SAMD5: variants seen among roughly 807,000 people sequenced by gnomAD.
The protein encoded by SAMD5 is sterile alpha motif domain-containing protein 5.
A neutral mutation model predicts 11.3 loss-of-function variants in SAMD5; 13 were observed. The observed-to-expected ratio is 1.15, with a 90% confidence interval of 0.75 to 1.83. SAMD5 has a LOEUF of 1.83. Ranked by LOEUF, SAMD5 falls within the 40% of genes most tolerant of loss-of-function variation. SAMD5 has a pLI of 0.00. For synonymous variants in SAMD5, 129 were observed against 111.3 expected (o/e 1.16, Z -1.00); for missense variants, 255 against 239.1 (o/e 1.07, Z -0.44).
chr6:147,865,401 GA>G, the SAMD5 span, among the ~76,000 whole-genome samples: 214 of 151,756 alleles, frequency 1.4e-3, 2 homozygotes, highest in African/African-American at 5.1e-3. Flanking sequence ...AAGAAAAGGG[GA>G]AAAAAAGGAA....
At chr6:147,588,999 C>T (rs894368569) in intron 1 of SAMD5, among the ~76,000 whole-genome samples, 7 of 151,864 alleles carry the variant, frequency 4.6e-5, no homozygotes, top group African/African-American at 7.3e-5. Flanking sequence ...GCTCTGTCGC[C>T]GAGGCTGGCG....
intron 1 of SAMD5, among the ~76,000 whole-genome samples, chr6:147,704,909 G>T (rs1451339997): frequency 6.6e-6 from 1 of 152,184 alleles, no homozygotes; most frequent in East Asian, 1.9e-4. Flanking sequence ...CGTTAAACTC[G>T]AACTTGTCAT....
chr6:147,677,767 G>A (rs1790885874), intron 1 of SAMD5, among the ~76,000 whole-genome samples: 1 of 152,030 alleles, frequency 6.6e-6, no homozygotes. Context: ...GGTGTATGGT[G>A]GTTGCATCGT....
chr6:147,759,454 A>G, the SAMD5 span, among the ~76,000 whole-genome samples: 1 of 152,168 alleles, frequency 6.6e-6, no homozygotes, highest in East Asian at 1.9e-4. Context: ...CTTTTGGCCA[A>G]TAACTCTTGT....
At chr6:147,613,009 G>A (rs549326912) in intron 1 of SAMD5, among the ~76,000 whole-genome samples, 1 of 152,066 alleles carries the variant, frequency 6.6e-6, no homozygotes, top group African/African-American at 2.4e-5. Context: ...GACCAGCCTT[G>A]CTAATATGGT....
At chr6:147,830,536 A>G in the SAMD5 span, among the ~76,000 whole-genome samples, 3 of 151,960 alleles carry the variant, frequency 2.0e-5, no homozygotes, top group Admixed American at 6.6e-5. Context: ...GATTACAGGT[A>G]TGAGCCACCG....
At chr6:147,717,274 A>G (rs1326123277) in intron 1 of SAMD5, among the ~76,000 whole-genome samples, 2 of 152,194 alleles carry the variant, frequency 1.3e-5, no homozygotes, top group Non-Finnish European at 2.9e-5. Context: ...TTTCTTTCCA[A>G]AATGGACAAC....
intron 1 of SAMD5, among the ~76,000 whole-genome samples, chr6:147,733,281 A>G (rs1463053618): frequency 1.3e-5 from 2 of 152,296 alleles, no homozygotes; most frequent in East Asian, 3.9e-4. Context: ...CTTTTTTCCA[A>G]TGTAATGTTT....
At chr6:147,906,368 G>C in the SAMD5 span, among the ~76,000 whole-genome samples, 1 of 152,108 alleles carries the variant, frequency 6.6e-6, no homozygotes, top group Non-Finnish European at 1.5e-5. Flanking sequence ...CATTCTTCAC[G>C]GGTAAAAGTA....
chr6:147,880,238 ATTTC>A, the SAMD5 span, among the ~76,000 whole-genome samples: 1 of 151,868 alleles, frequency 6.6e-6, no homozygotes, highest in Non-Finnish European at 1.5e-5. Context: ...CTTTCCATTT[ATTTC>A]TTCTCATGTA....
At chr6:147,702,777 A>ATTT (rs1562355589) in intron 1 of SAMD5, among the ~76,000 whole-genome samples, 1 of 151,914 alleles carries the variant, frequency 6.6e-6, no homozygotes, top group Non-Finnish European at 1.5e-5. Context: ...CTGGCCTCTG[A>ATTT]TATTTTAAGG....
At chr6:147,865,978 G>T in the SAMD5 span, among the ~76,000 whole-genome samples, 1 of 151,960 alleles carries the variant, frequency 6.6e-6, no homozygotes, top group Non-Finnish European at 1.5e-5. Context: ...TTCTACTTCT[G>T]GTTTTTGATT....
the SAMD5 span, among the ~76,000 whole-genome samples, chr6:147,899,170 C>G: frequency 1.6e-5 from 1 of 62,626 alleles, no homozygotes; most frequent in Non-Finnish European, 2.9e-5. Context: ...GACTCTGTCT[C>G]AAAAAAAAAA....
At chr6:147,938,707 T>G in the SAMD5 span, among the ~76,000 whole-genome samples, 35,086 of 152,060 alleles carry the variant, frequency 0.23, 4,637 homozygotes, top group African/African-American at 0.35. Context: ...AGTATTAGAG[T>G]TGAGAAATAA....
intron 1 of SAMD5, among the ~76,000 whole-genome samples, chr6:147,650,040 A>G (rs149570068): frequency 6.6e-6 from 1 of 152,350 alleles, no homozygotes; most frequent in East Asian, 1.9e-4. Context: ...GCTATTAACA[A>G]TCAGACTGGC....
intron 1 of SAMD5, among the ~76,000 whole-genome samples, chr6:147,595,890 T>C (rs1789524004): frequency 6.6e-6 from 1 of 152,108 alleles, no homozygotes; most frequent in Non-Finnish European, 1.5e-5. Flanking sequence ...TTTTCTTACC[T>C]GGAAAATAGT....
At chr6:147,622,365 T>A (rs1430499372) in intron 1 of SAMD5, among the ~76,000 whole-genome samples, 1 of 152,246 alleles carries the variant, frequency 6.6e-6, no homozygotes, top group East Asian at 1.9e-4. Context: ...TTTTCTATTG[T>A]GGTTTTTTGA....
chr6:147,510,736 C>A (rs1356241259), intron 1 of SAMD5, among the ~76,000 whole-genome samples: 1 of 152,132 alleles, frequency 6.6e-6, no homozygotes, highest in Non-Finnish European at 1.5e-5. Context: ...AGATCACCTG[C>A]TTGACCATGT....
the SAMD5 span, among the ~76,000 whole-genome samples, chr6:147,784,756 T>G: frequency 6.6e-6 from 1 of 152,192 alleles, no homozygotes; most frequent in Non-Finnish European, 1.5e-5. Flanking sequence ...TGAAGGAAAT[T>G]GGTAATGAAA....
Sources: allele counts gnomAD v4.1 joint callset (sites outside exome capture counted in the v4.1 genomes callset), GRCh38; gene constraint gnomAD v4.1.1; transcripts MANE v1.5; gene names NCBI Gene and HGNC (gene_info 2026-07-23, HGNC 2026-07-21).